Variants in MFF observed in about 807,000 individuals in gnomAD.
The protein encoded by MFF is mitochondrial fission factor, also known as chromosome 2 open reading frame 33.
A neutral mutation model predicts 36.9 loss-of-function variants in MFF; 12 were observed. The observed-to-expected ratio is 0.33, with a 90% confidence interval of 0.21 to 0.53. MFF has a LOEUF of 0.53. Among genes scored for constraint, MFF ranks in the 20% least tolerant of loss-of-function variants. The pLI is 0.95. For synonymous variants in MFF, 99 were observed against 126.2 expected (o/e 0.78, Z 1.44); for missense variants, 348 against 366.6 (o/e 0.95, Z 0.42).
chr2:227,331,506 T>C (rs908137867), intron 3 of MFF, among the ~76,000 whole-genome samples: 1 of 152,240 alleles, frequency 6.6e-6, no homozygotes, highest in Non-Finnish European at 1.5e-5. Context: ...TGAGGACATA[T>C]GGTTTCATAT....
At chr2:227,350,047 G>A (rs769375958) in intron 6 of MFF, among the ~76,000 whole-genome samples, 1 of 152,054 alleles carries the variant, frequency 6.6e-6, no homozygotes, top group Admixed American at 6.5e-5. Flanking sequence ...TTTAAAGGAC[G>A]CTGTCAAAAG....
chr2:227,348,974 T>C (rs1264345995), intron 6 of MFF, among the ~76,000 whole-genome samples: 1 of 152,166 alleles, frequency 6.6e-6, no homozygotes, highest in East Asian at 1.9e-4. Flanking sequence ...TAAAACAGAT[T>C]TATTGTCCAT....
At chr2:227,326,012 C>G (rs925972734) in intron 1 of MFF, among the ~76,000 whole-genome samples, 2 of 152,110 alleles carry the variant, frequency 1.3e-5, no homozygotes, top group Non-Finnish European at 2.9e-5. Context: ...CAGGCAGTTG[C>G]TCTCGGGTTT....
intron 1 of MFF, among the ~76,000 whole-genome samples, chr2:227,327,185 A>C (rs1574870954): frequency 1.3e-5 from 2 of 152,296 alleles, no homozygotes; most frequent in African/African-American, 4.8e-5. Flanking sequence ...GGGAAAAAAA[A>C]AACCCATGAA....
chr2:227,342,285 C>G (rs2075438532), intron 5 of MFF, among the ~76,000 whole-genome samples: 2 of 151,990 alleles, frequency 1.3e-5, no homozygotes, highest in African/African-American at 2.4e-5. Context: ...TAACTTTGCC[C>G]TTTCTTTTCC....
In MFF at chr2:227,357,109, C is replaced by T. The variant is rs374804976; in HGVS notation, c.868C>T (p.Arg290Cys). 2.5e-6 allele frequency: 4 copies of T among 1,611,842 alleles called. No homozygotes were observed. Among genetic ancestry groups the T allele is most frequent in the East Asian group, 2.2e-5 (1 of 44,862 alleles). Residue 290 changes from arginine (R) to cysteine (C), a missense_variant, in exon 9 of 9, where the codon CGC becomes TGC. Coordinates refer to ENST00000304593, the MANE Select transcript of MFF (RefSeq NM_001277062.2). ...GCTGCTTAATAGCTGGCTCTGGTTT[C>T]GCCGCTAGAGGTAACATCAGCCCTC... ...FWLLNSWLWF[R>C]R
At chr2:227,343,743 T>C (rs1396314399) in intron 5 of MFF, among the ~76,000 whole-genome samples, 2 of 152,142 alleles carry the variant, frequency 1.3e-5, no homozygotes, top group African/African-American at 2.4e-5. Context: ...AAGTAAATTT[T>C]TATTTAAATT....
chr2:227,356,851 T>C (rs1258987552), intron 8 of MFF, 135 bp from the exon 9 acceptor site: 2 of 707,950 alleles, frequency 2.8e-6, no homozygotes, highest in African/African-American at 3.5e-5. Context: ...TTTATTTTGC[T>C]CCAAATGAAA....
intron 7 of MFF, among the ~76,000 whole-genome samples, chr2:227,353,107 T>A (rs935633089): frequency 8.5e-5 from 13 of 152,202 alleles, no homozygotes; most frequent in African/African-American, 2.9e-4. Context: ...CATCTGTTGA[T>A]TTAAGGCCTT....
At position 227,331,959 on chromosome 2, in the gene MFF, A is replaced by ATATTTTTTTTTTTTT. The variant is rs572787657; in HGVS notation, c.182-459_182-458insATTTTTTTTTTTTTT. Among the ~76,000 whole-genome samples, 16 of 76,836 alleles carry ATATTTTTTTTTTTTT rather than the reference A, an allele frequency of 2.1e-4. 5 individuals are homozygous for ATATTTTTTTTTTTTT. Among genetic ancestry groups the ATATTTTTTTTTTTTT allele is most frequent in the African/African-American group, 6.8e-4 (15 of 21,964 alleles). The allele number at this position is 76,836 out of a possible 152,430, so 50.4% of individuals were successfully genotyped here. On this transcript the variant is annotated intron_variant, in intron 3 of 8. Coordinates refer to ENST00000304593, the MANE Select transcript of MFF (RefSeq NM_001277062.2). ...AGTGAAATGTCAATACGCTGGAAGC[A>ATATTTTTTTTTTTTT]TTTTTTTTTTTTTTTTTTTTTTTTT...
At chr2:227,345,154 T>C (rs1389221660) in intron 5 of MFF, among the ~76,000 whole-genome samples, 2 of 152,198 alleles carry the variant, frequency 1.3e-5, no homozygotes, top group East Asian at 3.8e-4. Context: ...TCATTTCCTA[T>C]ATATGGACAG....
At chr2:227,347,937 T>C (rs1398136576) in intron 6 of MFF, among the ~76,000 whole-genome samples, 7 of 152,258 alleles carry the variant, frequency 4.6e-5, no homozygotes, top group African/African-American at 1.4e-4. Context: ...TATCTCACTT[T>C]TGAACATCTC....
chr2:227,347,574 C>T (rs1229559821), intron 6 of MFF, among the ~76,000 whole-genome samples, 190 bp downstream of exon 6: 1 of 152,188 alleles, frequency 6.6e-6, no homozygotes, highest in African/African-American at 2.4e-5. Context: ...CACAAGATTA[C>T]ATTAGCTTTC....
chr2:227,351,178 A>T (rs1181404150), intron 6 of MFF, among the ~76,000 whole-genome samples: 1 of 152,168 alleles, frequency 6.6e-6, no homozygotes, highest in East Asian at 1.9e-4. Flanking sequence ...CACAGAGTAA[A>T]TATGTTAGTA....
intron 4 of MFF, among the ~76,000 whole-genome samples, chr2:227,333,626 C>A (rs1028266029): frequency 6.6e-6 from 1 of 152,124 alleles, no homozygotes; most frequent in Non-Finnish European, 1.5e-5. Context: ...GGAAAGACAT[C>A]AACGCATGCA....
chr2:227,336,001 C>T (rs1278834691), intron 4 of MFF, among the ~76,000 whole-genome samples: 1 of 152,176 alleles, frequency 6.6e-6, no homozygotes, highest in Non-Finnish European at 1.5e-5. Flanking sequence ...AGTGTTCCTA[C>T]AGTAGACTAG....
At chr2:227,338,855 A>G (rs564647649) in intron 4 of MFF, among the ~76,000 whole-genome samples, 2 of 150,510 alleles carry the variant, frequency 1.3e-5, no homozygotes, top group Non-Finnish European at 3.0e-5. Flanking sequence ...AAAAAAAAAA[A>G]CCATAATGTT....
intron 4 of MFF, among the ~76,000 whole-genome samples, chr2:227,339,797 C>A (rs2075284567): frequency 6.6e-6 from 1 of 152,218 alleles, no homozygotes; most frequent in Non-Finnish European, 1.5e-5. Flanking sequence ...TGCAGCCATT[C>A]TGGAATGCCA....
At chr2:227,352,254 T>G in intron 6 of MFF, 1 of 345,466 alleles carries the variant, frequency 2.9e-6, no homozygotes, top group Non-Finnish European at 5.2e-6. Context: ...AAAATTATTT[T>G]ATATGTTGGT....
Sources: allele counts gnomAD v4.1 joint callset (sites outside exome capture counted in the v4.1 genomes callset), GRCh38; gene constraint gnomAD v4.1.1; transcripts MANE v1.5; gene names NCBI Gene and HGNC (gene_info 2026-07-23, HGNC 2026-07-21).